The following RSU1 variants were observed in gnomAD, a reference collection of about 807,000 sequenced individuals.
RSU1 encodes Ras suppressor protein 1.
Under a neutral mutation model 31.1 loss-of-function variants are expected in RSU1, and 26 were observed. The observed-to-expected ratio is 0.84, with a 90% CI of 0.61 to 1.16. RSU1 has a LOEUF of 1.16. Ranked by LOEUF, RSU1 falls within the 50% of genes most tolerant of loss-of-function variation. The probability of loss-of-function intolerance (pLI) is 0.00; values close to 1 mark genes in which losing one functional copy is unlikely to be tolerated. For synonymous variants in RSU1, 164 were observed against 136.3 expected, an observed-to-expected ratio of 1.20 and a Z score of -1.41; for missense variants, 320 against 339.1, an observed-to-expected ratio of 0.94 and a Z score of 0.44.
intron 2 of RSU1, among the ~76,000 whole-genome samples, chr10:16,783,004 A>C (rs1158789249): frequency 6.6e-6 from 1 of 151,188 alleles, no homozygotes; most frequent in African/African-American, 2.4e-5. Context: ...TCCGCCTCCC[A>C]GGTTCAAATG....
At chr10:16,703,111 C>T (rs958402455) in intron 7 of RSU1, among the ~76,000 whole-genome samples, 2 of 152,220 alleles carry the variant, frequency 1.3e-5, no homozygotes, top group African/African-American at 4.8e-5. Context: ...CTCACTCCCC[C>T]TTTGCCTTCT....
intron 8 of RSU1, among the ~76,000 whole-genome samples, chr10:16,640,138 GAGAA>G (rs1252264409): frequency 6.6e-6 from 1 of 152,068 alleles, no homozygotes; most frequent in Admixed American, 6.5e-5. Context: ...GAAGGAAAAG[GAGAA>G]AGAAGGAAGG....
At position 16,614,138 on chromosome 10, in the gene RSU1, G is replaced by A. The variant is rs1030185442; in HGVS notation, c.732-20642C>T. 6.0e-4 allele frequency among the ~76,000 whole-genome samples: 92 copies of A among 152,180 alleles called. 5 individuals carry two copies. The highest frequency in any genetic ancestry group is 3.9e-4 in the East Asian group (2 of 5,186). ...CAAAGTAGGTAAGCAAAGCTCCCCCGTACTTAATGGAAATAATCATGCTTA... is the reference window on the plus strand; with the variant it reads ...CAAAGTAGGTAAGCAAAGCTCCCCCATACTTAATGGAAATAATCATGCTTA... On this transcript the variant is annotated intron_variant, in intron 8 of 8. Transcript: ENST00000345264.
chr10:16,705,980 G>T (rs1835892545), intron 7 of RSU1, among the ~76,000 whole-genome samples: 1 of 152,164 alleles, frequency 6.6e-6, no homozygotes, highest in Non-Finnish European at 1.5e-5. Flanking sequence ...ATCCATGAAT[G>T]CAGACTCTGT....
At chr10:16,664,344 A>G (rs1266461848) in intron 8 of RSU1, among the ~76,000 whole-genome samples, 7 of 152,290 alleles carry the variant, frequency 4.6e-5, no homozygotes, top group African/African-American at 9.6e-5. Context: ...GCGACAGTCA[A>G]TCACTTTCTG....
chr10:16,677,810 C>A (rs547885617), intron 8 of RSU1, among the ~76,000 whole-genome samples: 2 of 152,206 alleles, frequency 1.3e-5, no homozygotes, highest in South Asian at 4.1e-4. Flanking sequence ...AGGAATTATC[C>A]AGAATTTAGC....
chr10:16,781,255 G>A (rs762085249), intron 3 of RSU1, among the ~76,000 whole-genome samples: 3 of 152,060 alleles, frequency 2.0e-5, no homozygotes, highest in Admixed American at 6.5e-5. Context: ...ACAGCTCTAC[G>A]AAGAAAACGG....
intron 8 of RSU1, among the ~76,000 whole-genome samples, chr10:16,641,530 C>T (rs1316335183): frequency 6.6e-6 from 1 of 151,890 alleles, no homozygotes; most frequent in African/African-American, 2.4e-5. Flanking sequence ...ATTCACACAC[C>T]CACACTCACA....
At chr10:16,752,871 G>T (rs775055179) in intron 6 of RSU1, 47 bp downstream of exon 6, 5 of 1,516,572 alleles carry the variant, frequency 3.3e-6, no homozygotes, top group African/African-American at 1.4e-5. Flanking sequence ...CCCCTACAAG[G>T]CTGCAGCAGT....
chr10:16,744,763 G>A (rs1381026160), intron 7 of RSU1, among the ~76,000 whole-genome samples: 1 of 152,162 alleles, frequency 6.6e-6, no homozygotes, highest in Non-Finnish European at 1.5e-5. Flanking sequence ...AAAATTGCTT[G>A]TAATTATAAA....
intron 3 of RSU1, chr10:16,767,222 A>G (rs1300031862): frequency 3.9e-5 from 6 of 152,174 alleles, no homozygotes; most frequent in Non-Finnish European, 7.3e-5. Flanking sequence ...TTGAAGAGCA[A>G]TAAGGAAAGT....
intron 7 of RSU1, among the ~76,000 whole-genome samples, chr10:16,706,896 C>G (rs1401804363): frequency 6.6e-6 from 1 of 152,170 alleles, no homozygotes; most frequent in African/African-American, 2.4e-5. Flanking sequence ...TCCCGCCCCT[C>G]CCAGTCTCTG....
At chr10:16,785,459 CATAT>C (rs199948724) in intron 2 of RSU1, among the ~76,000 whole-genome samples, 6 of 68,732 alleles carry the variant, frequency 8.7e-5, no homozygotes, top group African/African-American at 4.1e-4. Flanking sequence ...TACATATATA[CATAT>C]ATATATACAC....
rs1835355406 is a variant in RSU1, at chr10:16,682,792, C to A, written c.731+12231G>T. ...CTTTCCTGTAACAAAACTCCAAGAG[C>A]CATTACACAGGACCACACAGGTCCC... On this transcript the variant is annotated intron_variant, in intron 8 of 8. Transcript: ENST00000345264. Among the ~76,000 whole-genome samples the A allele has an allele frequency of 3.9e-5, 6 of 152,076 alleles. No individual in the cohort carries two copies. The South Asian group carries it at 1.2e-3, about 32-fold the overall frequency.
intron 7 of RSU1, among the ~76,000 whole-genome samples, chr10:16,716,003 T>C (rs1325144729): frequency 6.6e-6 from 1 of 152,232 alleles, no homozygotes; most frequent in African/African-American, 2.4e-5. Flanking sequence ...AAAATTTTTC[T>C]TAATCAGATA....
In RSU1 at chr10:16,814,692, T is replaced by A. The variant is rs1838489611; in HGVS notation, c.109+2281A>T. On this transcript the variant is annotated intron_variant, in intron 2 of 8. Coordinates refer to ENST00000345264, the MANE Select transcript of RSU1 (RefSeq NM_012425.4). ...GCTACAGAAGCCAGAGGAGATGGAATCTGCAAATCTCCAAATTCACTTCCA... is the reference window on the plus strand; with the variant it reads ...GCTACAGAAGCCAGAGGAGATGGAAACTGCAAATCTCCAAATTCACTTCCA... Among the ~76,000 whole-genome samples, 4 of 152,106 alleles carry A rather than the reference T, an allele frequency of 2.6e-5. No homozygotes were observed. In the South Asian group the frequency reaches 8.3e-4, roughly 32 times the overall value.
chr10:16,757,789 G>T (rs970161075), intron 4 of RSU1, among the ~76,000 whole-genome samples: 2 of 152,230 alleles, frequency 1.3e-5, no homozygotes, highest in African/African-American at 4.8e-5. Flanking sequence ...GTCAAAGGAA[G>T]GACAGCAGAG....
intron 3 of RSU1, among the ~76,000 whole-genome samples, chr10:16,776,491 T>TA (rs35979534): frequency 0.039 from 5,647 of 144,510 alleles, 203 homozygotes; most frequent in African/African-American, 0.087. Context: ...TAGTGTATAT[T>TA]AAAAAAAAAA....
chr10:16,744,940 A>G (rs1260114345), intron 7 of RSU1, among the ~76,000 whole-genome samples: 1 of 152,072 alleles, frequency 6.6e-6, no homozygotes, highest in Non-Finnish European at 1.5e-5. Flanking sequence ...TTCACACAGG[A>G]GGATAATTCC....
Sources: gnomAD v4.1 joint callset for allele counts (sites outside exome capture counted in the v4.1 genomes callset) on GRCh38, gnomAD v4.1.1 for gene constraint, MANE v1.5 for transcripts, NCBI Gene and HGNC (gene_info 2026-07-23, HGNC 2026-07-21) for gene names.